The following PALM2AKAP2 variants were observed in gnomAD, a reference collection of about 807,000 sequenced individuals.
PALM2AKAP2 encodes the protein PALM2-AKAP2 fusion protein.
In PALM2AKAP2, 37 loss-of-function variants were observed where a neutral mutation model predicts 71.5. The observed-to-expected ratio is 0.52, with a 90% CI of 0.40 to 0.68. The LOEUF (loss-of-function observed/expected upper bound fraction) is 0.68, where lower values mean the gene tolerates loss of function less well. Ranked by LOEUF, PALM2AKAP2 falls within the 30% of genes least tolerant of loss-of-function variation. PALM2AKAP2 has a pLI of 0.00. For synonymous variants in PALM2AKAP2, 468 were observed against 478.8 expected (o/e 0.98, Z 0.29); for missense variants, 1,224 against 1,191.8 (o/e 1.03, Z -0.40).
intron 1 of PALM2AKAP2, among the ~76,000 whole-genome samples, chr9:109,774,824 C>G (rs1829326526): frequency 1.3e-5 from 2 of 152,166 alleles, no homozygotes; most frequent in African/African-American, 4.8e-5. Flanking sequence ...CATCTGTTAA[C>G]CTTATTTATT....
At chr9:109,812,500 T>G (rs909404845) in intron 1 of PALM2AKAP2, among the ~76,000 whole-genome samples, 1 of 151,940 alleles carries the variant, frequency 6.6e-6, no homozygotes. Flanking sequence ...GCGGCACAAT[T>G]TGGGAAAGGA....
intron 1 of PALM2AKAP2, among the ~76,000 whole-genome samples, chr9:109,781,674 G>T (rs188515544): frequency 1.1e-4 from 16 of 152,286 alleles, no homozygotes; most frequent in African/African-American, 3.6e-4. Context: ...TTTCTCAAAC[G>T]CCTCAAATCT....
chr9:109,862,643 G>T (rs923217441), intron 1 of PALM2AKAP2, among the ~76,000 whole-genome samples: 1 of 152,196 alleles, frequency 6.6e-6, no homozygotes, highest in Admixed American at 6.5e-5. Flanking sequence ...TCACAAACAA[G>T]TCCTAGTGGC....
At chr9:109,927,968 T>C (rs1028279699) in intron 5 of PALM2AKAP2, among the ~76,000 whole-genome samples, 5 of 152,252 alleles carry the variant, frequency 3.3e-5, no homozygotes, top group Non-Finnish European at 7.3e-5. Context: ...CAGTCCTTGG[T>C]GTATGATATG....
intron 1 of PALM2AKAP2, among the ~76,000 whole-genome samples, chr9:109,804,431 A>T (rs1015419986): frequency 1.3e-5 from 2 of 152,184 alleles, no homozygotes; most frequent in Non-Finnish European, 2.9e-5. Context: ...CCAAAATATT[A>T]TTTCTATGGC....
intron 1 of PALM2AKAP2, among the ~76,000 whole-genome samples, chr9:109,724,421 C>T (rs935855045): frequency 2.6e-5 from 4 of 152,118 alleles, no homozygotes; most frequent in African/African-American, 4.8e-5. Context: ...TGAATGAAAA[C>T]GGCCAAGAAA....
chr9:109,984,589 G>A (rs1208427232), intron 6 of PALM2AKAP2, among the ~76,000 whole-genome samples: 1 of 152,120 alleles, frequency 6.6e-6, no homozygotes. Flanking sequence ...AGGTATGGTA[G>A]CTCATGTCTG....
At chr9:109,826,862 C>T (rs1212142759) in intron 1 of PALM2AKAP2, among the ~76,000 whole-genome samples, 2 of 152,096 alleles carry the variant, frequency 1.3e-5, no homozygotes, top group African/African-American at 4.8e-5. Context: ...ATAATTGATC[C>T]AACACAGCAT....
intron 1 of PALM2AKAP2, among the ~76,000 whole-genome samples, chr9:109,670,894 A>G (rs1466429990): frequency 6.6e-6 from 1 of 152,012 alleles, no homozygotes; most frequent in Non-Finnish European, 1.5e-5. Context: ...TTTTCATATA[A>G]TTGTTGGCCA....
intron 6 of PALM2AKAP2, among the ~76,000 whole-genome samples, chr9:109,935,086 G>T (rs1172648422): frequency 6.6e-6 from 1 of 152,106 alleles, no homozygotes; most frequent in Non-Finnish European, 1.5e-5. Context: ...TCAAACACGC[G>T]CAGTTCCTCC....
intron 1 of PALM2AKAP2, among the ~76,000 whole-genome samples, chr9:109,655,292 C>T (rs1175385918): frequency 1.1e-5 from 1 of 89,614 alleles, no homozygotes; most frequent in Admixed American, 1.1e-4. Context: ...GAGCGAGACT[C>T]GGTCTCAAAA....
At chr9:109,918,946 A>C (rs1223125830) in intron 3 of PALM2AKAP2, among the ~76,000 whole-genome samples, 1 of 151,996 alleles carries the variant, frequency 6.6e-6, no homozygotes, top group African/African-American at 2.4e-5. Context: ...TCATGACCCA[A>C]ATCTTTAGCA....
intron 1 of PALM2AKAP2, among the ~76,000 whole-genome samples, chr9:109,734,239 T>C (rs2118667225): frequency 6.6e-6 from 1 of 152,248 alleles, no homozygotes; most frequent in East Asian, 1.9e-4. Flanking sequence ...TAAGAATTTG[T>C]AGTCATTTTT....
intron 5 of PALM2AKAP2, among the ~76,000 whole-genome samples, chr9:109,926,304 C>T (rs1431340487): frequency 6.6e-6 from 1 of 152,094 alleles, no homozygotes; most frequent in Non-Finnish European, 1.5e-5. Context: ...TAGCAAGAGA[C>T]CTGGATTTTG....
In PALM2AKAP2 at chr9:109,649,445, T is replaced by A. The variant is rs117859789; in HGVS notation, c.5+8579T>A. Among the ~76,000 whole-genome samples the A allele has an allele frequency of 9.8e-5, 15 of 152,310 alleles. No homozygotes were observed. The East Asian group carries it at 2.9e-3, about 29-fold the overall frequency. On this transcript the variant is annotated intron_variant, in intron 1 of 6. Transcript: ENST00000374531. ...TAAGTAGGGCTCACTTCTGAAATGG[T>A]TTTATGGTTATCTTCAATTTATTTT...
At chr9:110,088,751 A>T (rs1216236281) in intron 1 of PALM2AKAP2, among the ~76,000 whole-genome samples, 2 of 113,884 alleles carry the variant, frequency 1.8e-5, no homozygotes, top group Non-Finnish European at 3.3e-5. Flanking sequence ...ACAGAGTGTC[A>T]CTCTGTCGCC....
chr9:109,864,800 G>T (rs1829405306), intron 1 of PALM2AKAP2, among the ~76,000 whole-genome samples: 1 of 152,142 alleles, frequency 6.6e-6, no homozygotes. Context: ...CCTTATGTAT[G>T]AATGCCAGAT....
At chr9:109,682,084 T>C (rs189184219) in intron 1 of PALM2AKAP2, among the ~76,000 whole-genome samples, 8 of 152,306 alleles carry the variant, frequency 5.3e-5, no homozygotes, top group Middle Eastern at 3.4e-3. Context: ...TAATAACATG[T>C]AGTAATTTGA....
Position 110,162,145 on chromosome 9 carries a change from T to A in PALM2AKAP2, c.2748+5648T>A. The A allele has an allele frequency of 6.2e-7, 1 of 1,613,856 alleles. No individual in the cohort carries two copies. Among genetic ancestry groups the A allele is most frequent in the East Asian group, 2.2e-5 (1 of 44,898 alleles). On this transcript the variant is annotated intron_variant, in intron 3 of 3. Transcript: ENST00000374525. ...GGTGACTTCCGAGGTACTTTTCAAT[T>A]TGTTTGTCTTGGTCTTACTGAATGC... is the stretch of plus-strand genomic sequence containing the variant.
Sources: gnomAD v4.1 joint callset for allele counts (sites outside exome capture counted in the v4.1 genomes callset) on GRCh38, gnomAD v4.1.1 for gene constraint, MANE v1.5 for transcripts, NCBI Gene and HGNC (gene_info 2026-07-23, HGNC 2026-07-21) for gene names.